Variants in ST3GAL1 observed in about 807,000 individuals in gnomAD.
ST3GAL1 encodes CMP-N-acetylneuraminate-beta-galactosamide-alpha-2,3-sialyltransferase 1.
A neutral mutation model predicts 34.1 loss-of-function variants in ST3GAL1; 16 were observed. The ratio of observed to expected loss-of-function variants is 0.47; its 90% CI spans 0.32 to 0.71. The LOEUF (loss-of-function observed/expected upper bound fraction) is 0.71, where lower values mean the gene tolerates loss of function less well. Among genes scored for constraint, ST3GAL1 ranks in the 30% least tolerant of loss-of-function variants. ST3GAL1 has a pLI of 0.04. For synonymous variants in ST3GAL1, 191 were observed against 184.7 expected, an observed-to-expected ratio of 1.03 and a Z score of -0.28; for missense variants, 353 against 447.4, an observed-to-expected ratio of 0.79 and a Z score of 1.90.
At chr8:133,551,255 G>A in intron 1 of ST3GAL1, among the ~76,000 whole-genome samples, 1 of 152,086 alleles carries the variant, frequency 6.6e-6, no homozygotes, top group East Asian at 1.9e-4. Context: ...GGATCACGAG[G>A]TCAAGAGATC....
intron 3 of ST3GAL1, among the ~76,000 whole-genome samples, chr8:133,489,988 C>T (rs1816738415): frequency 6.6e-6 from 1 of 152,160 alleles, no homozygotes; most frequent in Non-Finnish European, 1.5e-5. Flanking sequence ...CAACTCACTC[C>T]CTCCCCAACT....
intron 2 of ST3GAL1, among the ~76,000 whole-genome samples, chr8:133,520,610 C>T (rs1342333360): frequency 6.6e-6 from 1 of 152,144 alleles, no homozygotes; most frequent in Admixed American, 6.5e-5. Flanking sequence ...CCACCATAGC[C>T]TCCAGTCTAG....
rs1432761746 is a variant in ST3GAL1, at chr8:133,461,353, G to A, written c.849+522C>T. ...CCTCTCAGAGCATAAGTGGAAACCC[G>A]AACACAGCCTAGCGGACAGCGAAGG... is the stretch of plus-strand genomic sequence containing the variant. On this transcript the variant is annotated intron_variant, in intron 9 of 9. Transcript: ENST00000522652. This position sits in a 1 kb window ranked among gnomAD's most constrained non-coding sequence, Gnocchi z 4.7. 6.6e-6 allele frequency among the ~76,000 whole-genome samples: 1 copy of A among 152,118 alleles called. No homozygotes were observed. Among genetic ancestry groups the A allele is most frequent in the African/African-American group, 2.4e-5 (1 of 41,426 alleles).
At chr8:133,557,811 A>C (rs140805053) in intron 1 of ST3GAL1, among the ~76,000 whole-genome samples, 7,508 of 150,908 alleles carry the variant, frequency 0.05, 281 homozygotes, top group Non-Finnish European at 0.067. Context: ...AGGCTGAGGC[A>C]GGAGAATTGC....
In ST3GAL1 at chr8:133,466,419, C is replaced by T. The variant is rs1158311808; in HGVS notation, c.307-329G>A. Among the ~76,000 whole-genome samples, 2 of 152,186 alleles carry T rather than the reference C, an allele frequency of 1.3e-5. No individual in the cohort carries two copies. The highest frequency in any genetic ancestry group is 6.5e-5 in the Admixed American group (1 of 15,288). ...CCCCTCCCACTCCACATGTGATCAG[C>T]GTTTCTCCAACCTGCTCCTCCCTGG... On this transcript the variant is annotated intron_variant, in intron 5 of 9. Coordinates refer to ENST00000522652, the MANE Select transcript of ST3GAL1 (RefSeq NM_173344.3). This position sits in a 1 kb window ranked among gnomAD's most constrained non-coding sequence, Gnocchi z 4.4.
chr8:133,540,730 T>TATATATATATACAGAC (rs1563733792), intron 2 of ST3GAL1, among the ~76,000 whole-genome samples: 7 of 65,784 alleles, frequency 1.1e-4, no homozygotes, highest in South Asian at 6.8e-4. Flanking sequence ...TATATAGACA[T>TATATATATATACAGAC]ATATATATAT....
intron 2 of ST3GAL1, among the ~76,000 whole-genome samples, chr8:133,528,927 A>G (rs1233594005): frequency 6.6e-6 from 1 of 152,216 alleles, no homozygotes; most frequent in African/African-American, 2.4e-5. Flanking sequence ...TGAGTTAGCA[A>G]GGGTCAGTAA....
In ST3GAL1 at chr8:133,459,602, G is replaced by A; in HGVS notation, c.*162C>T. ...GCTGGCAGAGCTTAGTGACCTTGCT[G>A]AGTAGATGCTGCCAACGGCTGGGTG... On this transcript the variant is annotated 3_prime_UTR_variant, in exon 10 of 10. Transcript: ENST00000522652. The surrounding 1 kb of genome is among the most constrained non-coding windows in gnomAD (Gnocchi z 4.7). The A allele has an allele frequency of 1.2e-6, 1 of 816,366 alleles. No homozygotes were observed. Among genetic ancestry groups the A allele is most frequent in the Non-Finnish European group, 1.8e-6 (1 of 548,590 alleles). 50.6% of individuals were successfully genotyped at this position (816,366 alleles called of 1,614,324 possible). A position where few individuals can be genotyped will look rare whatever the true frequency, so the allele number is the denominator to read the frequency against.
At chr8:133,516,779 G>C (rs764697786) in intron 2 of ST3GAL1, among the ~76,000 whole-genome samples, 1 of 152,208 alleles carries the variant, frequency 6.6e-6, no homozygotes, top group East Asian at 1.9e-4. Flanking sequence ...GCCCAGGTTT[G>C]TTTCCTAAGT....
chr8:133,518,609 C>T (rs1276515230), intron 2 of ST3GAL1, among the ~76,000 whole-genome samples: 3 of 152,108 alleles, frequency 2.0e-5, no homozygotes, highest in Non-Finnish European at 4.4e-5. Context: ...GCTGGGAATA[C>T]AAAAATGCAG....
At chr8:133,560,460 A>G (rs1819186970) in intron 1 of ST3GAL1, among the ~76,000 whole-genome samples, 1 of 152,246 alleles carries the variant, frequency 6.6e-6, no homozygotes, top group Non-Finnish European at 1.5e-5. Context: ...ATCGGGGAGA[A>G]GACTCAGAGC....
chr8:133,526,847 G>T (rs1022480159), intron 2 of ST3GAL1, among the ~76,000 whole-genome samples: 1 of 152,126 alleles, frequency 6.6e-6, no homozygotes, highest in Admixed American at 6.6e-5. Context: ...GGAGCTGTGG[G>T]GAGAGATGAG....
Position 133,532,020 on chromosome 8 carries a change from G to A in ST3GAL1, c.-429+13754C>T, listed in dbSNP as rs1431513725. Among the ~76,000 whole-genome samples, 4 of 152,080 alleles carry A rather than the reference G, an allele frequency of 2.6e-5. No homozygotes were observed. The East Asian group carries it at 5.8e-4, about 22-fold the overall frequency. ...ACAGTAGAGCTCCCCAGAGACAAATGACATCTGATTTCACGAAAGACTGAA... is the reference window on the plus strand; with the variant it reads ...ACAGTAGAGCTCCCCAGAGACAAATAACATCTGATTTCACGAAAGACTGAA... On this transcript the variant is annotated intron_variant, in intron 2 of 9. Coordinates refer to ENST00000522652, the MANE Select transcript of ST3GAL1 (RefSeq NM_173344.3).
intron 2 of ST3GAL1, among the ~76,000 whole-genome samples, chr8:133,513,222 T>C (rs1419945202): frequency 1.3e-5 from 2 of 152,326 alleles, no homozygotes; most frequent in East Asian, 3.9e-4. Flanking sequence ...CAGGCCCAGA[T>C]GCCTCGGCCT....
intron 2 of ST3GAL1, among the ~76,000 whole-genome samples, chr8:133,525,764 G>T (rs1817955280): frequency 6.6e-6 from 1 of 152,204 alleles, no homozygotes; most frequent in East Asian, 1.9e-4. Flanking sequence ...ACCCAGCTGG[G>T]TTGCGACAGC....
chr8:133,509,585 G>A (rs531218968), intron 2 of ST3GAL1, among the ~76,000 whole-genome samples: 8 of 152,364 alleles, frequency 5.3e-5, no homozygotes, highest in Non-Finnish European at 8.8e-5. Context: ...TGAGGAGAGC[G>A]GAGCTCAGGC....
At chr8:133,569,058 C>T (rs1819486396) in intron 1 of ST3GAL1, among the ~76,000 whole-genome samples, 1 of 152,160 alleles carries the variant, frequency 6.6e-6, no homozygotes, top group Non-Finnish European at 1.5e-5. Context: ...TCCACACTCC[C>T]TAAGAAACCC....
At chr8:133,493,245 C>T (rs918926139) in intron 3 of ST3GAL1, among the ~76,000 whole-genome samples, 2 of 152,234 alleles carry the variant, frequency 1.3e-5, no homozygotes, top group African/African-American at 2.4e-5. Flanking sequence ...ACACACAAGT[C>T]TCATTTTATC....
intron 5 of ST3GAL1, among the ~76,000 whole-genome samples, chr8:133,471,795 G>T (rs547138802): frequency 1.1e-4 from 16 of 152,208 alleles, no homozygotes; most frequent in Admixed American, 4.6e-4. Flanking sequence ...GGTGCTAGGC[G>T]CCGGGTGGAC....
Sources: allele counts gnomAD v4.1 joint callset (sites outside exome capture counted in the v4.1 genomes callset), GRCh38; gene constraint gnomAD v4.1.1; non-coding constraint Gnocchi (gnomAD v3.1); transcripts MANE v1.5; gene names NCBI Gene and HGNC (gene_info 2026-07-23, HGNC 2026-07-21).